Variants in CBLC observed in about 807,000 individuals in gnomAD.
CBLC encodes Cbl proto-oncogene C, also known as E3 ubiquitin-protein ligase CBL-C.
CBLC carries 46 observed loss-of-function variants against 58.6 expected under a neutral mutation model. That is an observed-to-expected ratio of 0.79 (90% CI 0.62 to 1.00). The LOEUF (loss-of-function observed/expected upper bound fraction) is 1.00. CBLC is among the 50% of genes least tolerant of loss of function. The pLI, the probability that CBLC is intolerant of heterozygous loss-of-function variation, is 0.00. For synonymous variants in CBLC, 271 were observed against 264.2 expected, an observed-to-expected ratio of 1.03 and a Z score of -0.25; for missense variants, 655 against 625.8, an observed-to-expected ratio of 1.05 and a Z score of -0.50.
rs745945780 is a variant in CBLC at position 44,790,060 on chromosome 19, C to T, written c.974C>T (p.Ala325Val). The T allele has an allele frequency of 4.3e-6, 7 of 1,613,976 alleles. No homozygotes were observed. The Middle Eastern group carries it at 6.6e-4, about 152-fold the overall frequency. The stretch of plus-strand genomic sequence containing the variant: ...CCAGACCTGACTGAGCTCGGCCAGG[C>T]AGAACCCCAGCAGCGCATCCACGTG... The part of the protein sequence containing the change: ...HNPDLTELGQ[A>V]EPQQRIHVSE... Residue 325 changes from alanine (A) to valine (V), a missense_variant, in exon 6 of 11, where the codon GCA (alanine) becomes GTA (valine). Ala to Val is a moderately conservative substitution (Grantham distance 64). Around this residue, in one of 3 missense-constraint regions of CBLC, gnomAD observed 371 missense variants for 370.8 expected, o/e 1.00. Coordinates refer to ENST00000647358, the MANE Select transcript of CBLC (RefSeq NM_012116.4).
At position 44,792,441 on chromosome 19, in the gene CBLC, C is replaced by G. The variant is rs952137350; in HGVS notation, c.1064C>G (p.Ala355Gly). 1 of 1,613,348 alleles carries G rather than the reference C, an allele frequency of 6.2e-7. No individual in the cohort carries two copies. The highest frequency in any genetic ancestry group is 1.3e-5 in the African/African-American group (1 of 74,898). ...DSTFELCKIC[A>G]ESNKDVKIEP... is the part of the protein sequence containing the mutation. ...ACATTTGAGCTCTGCAAGATCTGTG[C>G]TGAGAGCAACAAGGATGTGAAGATT... is the stretch of plus-strand genomic sequence containing the variant. Residue 355 changes from alanine (A) to glycine (G), a missense_variant, in exon 7 of 11, where the codon GCT becomes GGT. Ala to Gly is a moderately conservative substitution (Grantham distance 60). Around this residue, in one of 3 missense-constraint regions of CBLC, gnomAD observed 371 missense variants for 370.8 expected, o/e 1.00. Transcript: ENST00000647358.
intron 9 of CBLC, among the ~76,000 whole-genome samples, chr19:44,797,325 A>G (rs1968198505): frequency 6.6e-6 from 1 of 151,918 alleles, no homozygotes; most frequent in South Asian, 2.1e-4. Flanking sequence ...ATCTCAGCCC[A>G]TTGCAACCTC....
chr19:44,784,297 G>A lies in CBLC; in HGVS notation c.813G>A (p.Gly271=). The change falls in exon 5 of 11, where the codon GGG becomes GGA. Residue 271 remains glycine, a synonymous_variant. Transcript: ENST00000647358. ...TCCGGCCCAGCTGTACTCGCCTGGGGCAGTGGGCCATCGGCTATGTGAGCT... is the reference window on the plus strand; with the variant it reads ...TCCGGCCCAGCTGTACTCGCCTGGGACAGTGGGCCATCGGCTATGTGAGCT... The part of the protein sequence containing the change: ...YIFRPSCTRL[G]QWAIGYVSSD... 6.3e-7 allele frequency: 1 copy of A among 1,593,290 alleles called. No individual in the cohort carries two copies. The highest frequency in any genetic ancestry group is 1.1e-5 in the South Asian group (1 of 90,128).
intron 9 of CBLC, among the ~76,000 whole-genome samples, chr19:44,797,895 C>A (rs1018025192): frequency 2.0e-5 from 3 of 149,146 alleles, no homozygotes; most frequent in African/African-American, 7.6e-5. Flanking sequence ...TGCCTGTCTC[C>A]ACACCCGAAT....
At chr19:44,786,689 A>G (rs1251433588) in intron 5 of CBLC, among the ~76,000 whole-genome samples, 2 of 152,250 alleles carry the variant, frequency 1.3e-5, no homozygotes, top group Admixed American at 1.3e-4. Context: ...CAACAGCAGT[A>G]TAACTTGTGT....
At position 44,794,197 on chromosome 19, in the gene CBLC, A is replaced by G. The variant is rs1903831; in HGVS notation, c.1285-7A>G. 1.2e-6 allele frequency: 2 copies of G among 1,604,342 alleles called. No homozygotes were observed. The highest frequency in any genetic ancestry group is 1.7e-6 in the Non-Finnish European group (2 of 1,175,956). On this transcript the variant is annotated splice_region_variant and splice_polypyrimidine_tract_variant and intron_variant, in intron 8 of 10. Transcript: ENST00000647358. ...AAGCCCCTTCTCCTTCCTCTGTCCC[A>G]CCCCAGGTGCCCCTTTCGGCTCCTC...
Position 44,782,360 on chromosome 19 carries a change from C to A in CBLC, c.658-10C>A, listed in dbSNP as rs1253378562. Reference sequence around the variant, plus strand: ...GGTCGCTCCCTGACCCAAGCCCTGCCCCACCCCAGCCATGGCCAACACTCC... The same window carrying A: ...GGTCGCTCCCTGACCCAAGCCCTGCACCACCCCAGCCATGGCCAACACTCC... On this transcript the variant is annotated splice_polypyrimidine_tract_variant and intron_variant, in intron 3 of 10. Transcript: ENST00000647358. The A allele has an allele frequency of 1.2e-6, 2 of 1,613,518 alleles. No homozygotes were observed. Among genetic ancestry groups the A allele is most frequent in the African/African-American group, 2.7e-5 (2 of 74,846 alleles).
chr19:44,788,891 C>T (rs1009880678), intron 5 of CBLC, among the ~76,000 whole-genome samples: 8 of 152,182 alleles, frequency 5.3e-5, no homozygotes, highest in Admixed American at 4.6e-4. Context: ...CCAGAAAGGT[C>T]GAGTGGCCCC....
Position 44,794,248 on chromosome 19 carries a change from C to G in CBLC, c.1329C>G (p.Pro443=), listed in dbSNP as rs1200522814. The change falls in exon 9 of 11, where the codon CCC becomes CCG. Residue 443 remains proline (P), a synonymous_variant. Transcript: ENST00000647358. ...CATTGCCCCCACGGCCAGATCTGCC[C>G]CCCAGGAAGCCCAGAAATGCCCAGC... ...APPLPPRPDL[P]PRKPRNAQPK... is the part of the protein sequence containing the mutation. 1.2e-6 allele frequency: 2 copies of G among 1,613,068 alleles called. No individual in the cohort carries two copies. The highest frequency in any genetic ancestry group is 1.7e-6 in the Non-Finnish European group (2 of 1,179,574).
intron 5 of CBLC, among the ~76,000 whole-genome samples, chr19:44,787,986 A>G (rs942989335): frequency 4.6e-5 from 7 of 151,740 alleles, no homozygotes; most frequent in Non-Finnish European, 1.0e-4. Flanking sequence ...AGTTACCGAC[A>G]AGGTATCACT....
chr19:44,791,292 T>G (rs936830960), intron 6 of CBLC, among the ~76,000 whole-genome samples: 4 of 133,878 alleles, frequency 3.0e-5, no homozygotes, highest in African/African-American at 2.9e-5. Context: ...GGTAACGGAG[T>G]GGGGCTCTGT....
rs142951762 is a variant in CBLC at position 44,789,130 on chromosome 19, C to T, written c.918-874C>T. On this transcript the variant is annotated intron_variant, in intron 5 of 10. Coordinates refer to ENST00000647358, the MANE Select transcript of CBLC (RefSeq NM_012116.4). ...CCAGGGAGCCCAGAGCTTGCTTCTCCGGTGTCCTGGAGCCCAGTGCTGAGA... is the reference window on the plus strand; with the variant it reads ...CCAGGGAGCCCAGAGCTTGCTTCTCTGGTGTCCTGGAGCCCAGTGCTGAGA... 5.7e-3 allele frequency among the ~76,000 whole-genome samples: 872 copies of T among 152,266 alleles called. 28 individuals are homozygous for T. Among genetic ancestry groups the T allele is most frequent in the Admixed American group, 0.048 (737 of 15,278 alleles).
intron 4 of CBLC, among the ~76,000 whole-genome samples, chr19:44,783,046 A>G (rs1437577199): frequency 2.6e-5 from 4 of 152,132 alleles, no homozygotes; most frequent in African/African-American, 7.2e-5. Flanking sequence ...TATTTAAGGG[A>G]AAAGAAAAAG....
At chr19:44,783,909 C>T (rs1251256272) in intron 4 of CBLC, among the ~76,000 whole-genome samples, 3 of 152,186 alleles carry the variant, frequency 2.0e-5, no homozygotes, top group Non-Finnish European at 2.9e-5. Flanking sequence ...AGAAAGGGGG[C>T]ACCTTGCTCT....
intron 3 of CBLC, 81 bp downstream of exon 3, chr19:44,781,444 G>A: frequency 7.0e-7 from 1 of 1,425,478 alleles, no homozygotes; most frequent in Non-Finnish European, 9.6e-7. Flanking sequence ...TGGGTCTGAG[G>A]GAGGAAGGGC....
intron 9 of CBLC, among the ~76,000 whole-genome samples, chr19:44,797,635 A>G (rs1322081424): frequency 6.9e-6 from 1 of 144,444 alleles, no homozygotes; most frequent in Non-Finnish European, 1.5e-5. Context: ...TGCACCTGTA[A>G]TCCCAGCTAC....
chr19:44,786,881 G>T (rs550129461), intron 5 of CBLC, among the ~76,000 whole-genome samples: 1 of 152,198 alleles, frequency 6.6e-6, no homozygotes, highest in South Asian at 2.1e-4. Flanking sequence ...GAGGCAGGCA[G>T]ATCACTTGAG....
intron 5 of CBLC, among the ~76,000 whole-genome samples, chr19:44,785,569 T>C (rs978149150): frequency 1.4e-5 from 2 of 146,042 alleles, no homozygotes; most frequent in African/African-American, 2.6e-5. Flanking sequence ...GATAGATAGA[T>C]AGATAGGCAG....
chr19:44,791,550 T>C (rs1487647654), intron 6 of CBLC, among the ~76,000 whole-genome samples: 3 of 151,990 alleles, frequency 2.0e-5, no homozygotes, highest in Non-Finnish European at 4.4e-5. Flanking sequence ...ATGGCCAACA[T>C]GGTGAAACCC....
Sources: allele counts gnomAD v4.1 joint callset (sites outside exome capture counted in the v4.1 genomes callset), GRCh38; gene constraint gnomAD v4.1.1; regional missense constraint gnomAD v4.1.1; transcripts MANE v1.5; gene names NCBI Gene and HGNC (gene_info 2026-07-23, HGNC 2026-07-21).